CLSTN2: variants seen among roughly 807,000 people sequenced by gnomAD.
The protein encoded by CLSTN2 is calsyntenin 2.
In CLSTN2, 48 loss-of-function variants were observed where a neutral mutation model predicts 101.2. The ratio of observed to expected loss-of-function variants is 0.47; its 90% CI spans 0.38 to 0.60. The LOEUF (loss-of-function observed/expected upper bound fraction) is 0.60. Among genes scored for constraint, CLSTN2 ranks in the 20% least tolerant of loss-of-function variants. The probability of loss-of-function intolerance (pLI) is 0.00; values close to 1 mark genes in which losing one functional copy is unlikely to be tolerated. For synonymous variants in CLSTN2, 481 were observed against 463.6 expected (o/e 1.04, Z -0.48); for missense variants, 1,160 against 1,238.2 (o/e 0.94, Z 0.95).
chr3:140,302,133 C>G (rs1212588070), intron 2 of CLSTN2, among the ~76,000 whole-genome samples: 1 of 152,118 alleles, frequency 6.6e-6, no homozygotes, highest in African/African-American at 2.4e-5. Context: ...ATATTTGGAA[C>G]ATTGTGATCA....
At chr3:140,210,163 T>G (rs2010836931) in intron 2 of CLSTN2, among the ~76,000 whole-genome samples, 1 of 152,208 alleles carries the variant, frequency 6.6e-6, no homozygotes, top group African/African-American at 2.4e-5. Context: ...GCTGTTGTCT[T>G]TACTTCACAA....
chr3:140,365,825 T>G (rs1397878415), intron 2 of CLSTN2, among the ~76,000 whole-genome samples: 2 of 152,198 alleles, frequency 1.3e-5, no homozygotes, highest in East Asian at 3.8e-4. Flanking sequence ...CATTTTCCTT[T>G]GCTTATGATT....
intron 2 of CLSTN2, among the ~76,000 whole-genome samples, chr3:140,392,678 G>C (rs996984212): frequency 3.3e-5 from 5 of 152,114 alleles, no homozygotes; most frequent in African/African-American, 1.2e-4. Context: ...TTTCGAGGAG[G>C]AGTTTTCAAT....
At chr3:140,402,990 C>T (rs1381119640) in intron 2 of CLSTN2, among the ~76,000 whole-genome samples, 1 of 152,106 alleles carries the variant, frequency 6.6e-6, no homozygotes, top group African/African-American at 2.4e-5. Flanking sequence ...ACATTTACTA[C>T]AGGTCTTGCA....
chr3:139,956,567 A>G (rs1021459098), intron 1 of CLSTN2, among the ~76,000 whole-genome samples: 28 of 152,220 alleles, frequency 1.8e-4, no homozygotes, highest in Admixed American at 1.8e-3. Flanking sequence ...ACAGAGGTCT[A>G]CTAAAGGGAT....
intron 1 of CLSTN2, among the ~76,000 whole-genome samples, chr3:139,937,887 A>G (rs531208406): frequency 6.6e-6 from 1 of 152,020 alleles, no homozygotes; most frequent in African/African-American, 2.4e-5. Flanking sequence ...GGCTGCAAAG[A>G]GCTCTGTTTG....
chr3:140,073,441 A>G (rs572044074), intron 1 of CLSTN2, among the ~76,000 whole-genome samples: 40 of 152,332 alleles, frequency 2.6e-4, no homozygotes, highest in Non-Finnish European at 1.6e-4. Context: ...CCAGCTGACT[A>G]ATTTGGGACT....
chr3:140,538,323 C>T (rs1338990466), intron 9 of CLSTN2, among the ~76,000 whole-genome samples: 3 of 152,154 alleles, frequency 2.0e-5, no homozygotes, highest in African/African-American at 7.2e-5. Flanking sequence ...CTGAATCCTA[C>T]CCTCTACTTA....
At chr3:139,951,509 T>C (rs1456459834) in intron 1 of CLSTN2, among the ~76,000 whole-genome samples, 1 of 152,286 alleles carries the variant, frequency 6.6e-6, no homozygotes, top group Non-Finnish European at 1.5e-5. Context: ...CTTTGCCAGT[T>C]AAGCATGGGG....
intron 1 of CLSTN2, among the ~76,000 whole-genome samples, chr3:140,027,882 C>T (rs1041963085): frequency 6.6e-6 from 1 of 152,210 alleles, no homozygotes; most frequent in African/African-American, 2.4e-5. Flanking sequence ...GCTGTGGCAT[C>T]ATACCTGATT....
At chr3:140,356,279 T>A (rs1333634443) in intron 2 of CLSTN2, among the ~76,000 whole-genome samples, 1 of 151,614 alleles carries the variant, frequency 6.6e-6, no homozygotes, top group African/African-American at 2.4e-5. Context: ...GTGCTGGGAG[T>A]CAGCAGAGCA....
intron 2 of CLSTN2, among the ~76,000 whole-genome samples, chr3:140,177,793 A>G (rs1184655694): frequency 1.3e-5 from 2 of 152,196 alleles, no homozygotes; most frequent in Non-Finnish European, 2.9e-5. Context: ...CAAAAAATAA[A>G]TAGAAACAAC....
At chr3:139,962,967 G>A (rs554934176) in intron 1 of CLSTN2, among the ~76,000 whole-genome samples, 1 of 152,206 alleles carries the variant, frequency 6.6e-6, no homozygotes, top group Non-Finnish European at 1.5e-5. Flanking sequence ...AGCATATTTT[G>A]TGACTGGTGA....
chr3:140,256,007 T>A (rs1240081597), intron 2 of CLSTN2, among the ~76,000 whole-genome samples: 1 of 152,188 alleles, frequency 6.6e-6, no homozygotes, highest in African/African-American at 2.4e-5. Flanking sequence ...TTGATTTTTG[T>A]GTGTATAAGC....
intron 1 of CLSTN2, among the ~76,000 whole-genome samples, chr3:139,985,666 T>C (rs538366062): frequency 6.6e-6 from 1 of 152,196 alleles, no homozygotes; most frequent in African/African-American, 2.4e-5. Context: ...AAAGGCTTAT[T>C]TGAAACAGAG....
At chr3:140,287,190 A>G (rs996471544) in intron 2 of CLSTN2, among the ~76,000 whole-genome samples, 1 of 152,208 alleles carries the variant, frequency 6.6e-6, no homozygotes, top group African/African-American at 2.4e-5. Context: ...TGAAAATATG[A>G]ATCAGCAATA....
intron 1 of CLSTN2, among the ~76,000 whole-genome samples, chr3:140,158,624 C>A (rs2009994643): frequency 6.6e-6 from 1 of 151,950 alleles, no homozygotes; most frequent in Non-Finnish European, 1.5e-5. Context: ...TTGCTGAAAA[C>A]AGTTTACAAC....
At chr3:140,468,351 T>C (rs1442080231) in intron 8 of CLSTN2, among the ~76,000 whole-genome samples, 1 of 152,196 alleles carries the variant, frequency 6.6e-6, no homozygotes, top group Non-Finnish European at 1.5e-5. Flanking sequence ...TTTTCTAAGA[T>C]GGGATTGAGA....
chr3:140,381,676 C>A (rs540839112), intron 2 of CLSTN2, among the ~76,000 whole-genome samples: 13 of 152,322 alleles, frequency 8.5e-5, no homozygotes, highest in African/African-American at 3.1e-4. Context: ...GGCCTTGACT[C>A]CATAGGGCAG....
Sources: allele counts gnomAD v4.1 joint callset (sites outside exome capture counted in the v4.1 genomes callset), GRCh38; gene constraint gnomAD v4.1.1; transcripts MANE v1.5; gene names NCBI Gene and HGNC (gene_info 2026-07-23, HGNC 2026-07-21).